The following L3MBTL4 variants were observed in gnomAD, a reference collection of about 807,000 sequenced individuals.
The protein encoded by L3MBTL4 is lethal(3)malignant brain tumor-like protein 4.
Under a neutral mutation model 84.5 loss-of-function variants are expected in L3MBTL4, and 70 were observed. That is an observed-to-expected ratio of 0.83 (90% CI 0.68 to 1.01). The LOEUF (loss-of-function observed/expected upper bound fraction) is 1.01. L3MBTL4 is among the 50% of genes least tolerant of loss of function. The pLI is 0.00. For missense variants in L3MBTL4, 715 were observed against 754.8 expected, an observed-to-expected ratio of 0.95 and a Z score of 0.62; for synonymous variants, 274 against 259.8, an observed-to-expected ratio of 1.05 and a Z score of -0.52.
At chr18:6,328,303 G>A (rs756351740) in intron 1 of L3MBTL4, among the ~76,000 whole-genome samples, 2 of 152,158 alleles carry the variant, frequency 1.3e-5, no homozygotes, top group African/African-American at 4.8e-5. Context: ...ACTTGCCTAA[G>A]CTCATGTGAC....
chr18:6,363,161 C>A lies in L3MBTL4; in HGVS notation c.-90-51105G>T, dbSNP rs1038984340. 1.8e-4 allele frequency among the ~76,000 whole-genome samples: 28 copies of A among 152,290 alleles called. No individual in the cohort carries two copies. The South Asian group carries it at 4.1e-3, about 23-fold the overall frequency. The stretch of plus-strand genomic sequence containing the variant: ...GAAGGAGAGAAAAATCGCCAAAAAA[C>A]GGTCAAGTCTCCGTTTCCTGAGTTC... On this transcript the variant is annotated intron_variant, in intron 1 of 18. Coordinates refer to ENST00000317931, the MANE Select transcript of L3MBTL4 (RefSeq NM_001330559.2).
intron 15 of L3MBTL4, among the ~76,000 whole-genome samples, chr18:6,084,533 C>G (rs1229460799): frequency 6.6e-6 from 1 of 152,182 alleles, no homozygotes; most frequent in East Asian, 1.9e-4. Context: ...TAAGGCTTAA[C>G]AGGCAGACAC....
chr18:6,269,768 GA>G (rs1469976045), intron 4 of L3MBTL4, among the ~76,000 whole-genome samples: 1 of 152,030 alleles, frequency 6.6e-6, no homozygotes, highest in Non-Finnish European at 1.5e-5. Flanking sequence ...CAAATCATAA[GA>G]AAAAAACGAA....
chr18:6,230,216 C>T (rs538711757), intron 10 of L3MBTL4, among the ~76,000 whole-genome samples: 7 of 152,072 alleles, frequency 4.6e-5, no homozygotes, highest in African/African-American at 1.7e-4. Context: ...GGTAGATTTT[C>T]GATCTCTCTC....
chr18:6,151,604 A>G (rs1038600243), intron 13 of L3MBTL4, among the ~76,000 whole-genome samples: 2 of 152,126 alleles, frequency 1.3e-5, no homozygotes, highest in Non-Finnish European at 2.9e-5. Flanking sequence ...CATGTTGTCC[A>G]GGCAGGTCTC....
rs141071354 is a variant in L3MBTL4, at chr18:6,353,654, T to C, written c.-90-41598A>G. Among the ~76,000 whole-genome samples the C allele has an allele frequency of 9.3e-4, 141 of 152,114 alleles. 1 individual carries two copies. Among genetic ancestry groups the C allele is most frequent in the Non-Finnish European group, 1.8e-3 (125 of 67,960 alleles). ...ATTTCTATATGCCAACAGTGAACAA[T>C]CTGAAAGAGAATTTTTTTAAAATCC... On this transcript the variant is annotated intron_variant, in intron 1 of 18. Coordinates refer to ENST00000317931, the MANE Select transcript of L3MBTL4 (RefSeq NM_001330559.2).
chr18:6,323,640 G>A (rs151041579), intron 1 of L3MBTL4, among the ~76,000 whole-genome samples: 200 of 152,316 alleles, frequency 1.3e-3, no homozygotes, highest in African/African-American at 4.4e-3. Context: ...TCAAGAGGTG[G>A]CCTGGCTGCT....
chr18:6,217,297 C>T (rs1287709460), intron 10 of L3MBTL4, among the ~76,000 whole-genome samples: 1 of 152,160 alleles, frequency 6.6e-6, no homozygotes, highest in Non-Finnish European at 1.5e-5. Flanking sequence ...TACCACCCTC[C>T]TCAAAGAGAA....
At position 6,034,996 on chromosome 18, in the gene L3MBTL4, T is replaced by C. The variant is rs530020361; in HGVS notation, c.1444+45885A>G. ...CTTTGCCCACTTTTTGATGGGGTTG[T>C]TTGTTTTTTTCTTGTAAATTTGTTT... On this transcript the variant is annotated intron_variant, in intron 16 of 18. Coordinates refer to ENST00000317931, the MANE Select transcript of L3MBTL4 (RefSeq NM_001330559.2). 6.1e-3 allele frequency among the ~76,000 whole-genome samples: 913 copies of C among 149,346 alleles called. 13 individuals carry two copies. The highest frequency in any genetic ancestry group is 0.021 in the African/African-American group (843 of 40,696).
chr18:6,031,635 T>A (rs904853542), intron 16 of L3MBTL4: 40 of 960,262 alleles, frequency 4.2e-5, no homozygotes, highest in Non-Finnish European at 5.0e-5. Context: ...TTGGCTGGGA[T>A]GACCAGGGCA....
intron 12 of L3MBTL4, among the ~76,000 whole-genome samples, chr18:6,199,224 G>C (rs1305995484): frequency 2.0e-5 from 3 of 152,148 alleles, no homozygotes; most frequent in African/African-American, 7.2e-5. Flanking sequence ...TGCCTACATG[G>C]GGCTTCTTAA....
chr18:6,112,406 G>A (rs541044403), intron 14 of L3MBTL4, among the ~76,000 whole-genome samples: 19 of 152,244 alleles, frequency 1.2e-4, no homozygotes, highest in Non-Finnish European at 1.8e-4. Context: ...CTGGGAAAGC[G>A]GATAAGCATG....
At chr18:6,244,779 T>TA (rs1236477543) in intron 5 of L3MBTL4, among the ~76,000 whole-genome samples, 191 bp from the exon 6 acceptor site, 1 of 152,112 alleles carries the variant, frequency 6.6e-6, no homozygotes, top group Non-Finnish European at 1.5e-5. Flanking sequence ...AAGTGGCAGT[T>TA]AGAAAGGAGG....
intron 16 of L3MBTL4, among the ~76,000 whole-genome samples, chr18:6,002,686 G>C (rs975157039): frequency 6.6e-6 from 1 of 151,832 alleles, no homozygotes; most frequent in South Asian, 2.1e-4. Flanking sequence ...AATAAGTACA[G>C]AGTATATACA....
chr18:6,360,193 G>A (rs1260551866), intron 1 of L3MBTL4, among the ~76,000 whole-genome samples: 1 of 152,128 alleles, frequency 6.6e-6, no homozygotes, highest in African/African-American at 2.4e-5. Flanking sequence ...TACATAGTGA[G>A]ACCCCCATCA....
At chr18:6,355,896 A>G (rs1045791602) in intron 1 of L3MBTL4, among the ~76,000 whole-genome samples, 5 of 151,900 alleles carry the variant, frequency 3.3e-5, no homozygotes, top group African/African-American at 1.2e-4. Context: ...CATGTGCACG[A>G]TAAGTGATTC....
At chr18:6,150,284 G>A (rs2042836053) in intron 13 of L3MBTL4, among the ~76,000 whole-genome samples, 1 of 152,018 alleles carries the variant, frequency 6.6e-6, no homozygotes, top group Non-Finnish European at 1.5e-5. Context: ...CCAATAACCT[G>A]AAAAGTACAT....
chr18:6,339,774 A>G (rs1165172212), intron 1 of L3MBTL4, among the ~76,000 whole-genome samples: 1 of 152,170 alleles, frequency 6.6e-6, no homozygotes, highest in Non-Finnish European at 1.5e-5. Flanking sequence ...CAGATCATAC[A>G]TATATTAAAG....
At chr18:6,312,163 A>C (rs1015294061) in intron 1 of L3MBTL4, 107 bp from the exon 2 acceptor site, 1 of 152,316 alleles carries the variant, frequency 6.6e-6, no homozygotes, top group Non-Finnish European at 1.5e-5. Context: ...ATTTGAAATG[A>C]GATTTTTTAC....
Sources: allele counts gnomAD v4.1 joint callset (sites outside exome capture counted in the v4.1 genomes callset), GRCh38; gene constraint gnomAD v4.1.1; transcripts MANE v1.5; gene names NCBI Gene and HGNC (gene_info 2026-07-23, HGNC 2026-07-21).